MSH3: variants seen among roughly 807,000 people sequenced by gnomAD.
The protein encoded by MSH3 is mutS homolog 3, also known as DNA mismatch repair protein Msh3.
A neutral mutation model predicts 123.3 loss-of-function variants in MSH3; 106 were observed. The ratio of observed to expected loss-of-function variants is 0.86; its 90% CI spans 0.73 to 1.01. MSH3 has a LOEUF of 1.01. Ranked by LOEUF, MSH3 falls within the 50% of genes least tolerant of loss-of-function variation. MSH3 has a pLI of 0.00. For synonymous variants in MSH3, 515 were observed against 481.4 expected (o/e 1.07, Z -0.91); for missense variants, 1,459 against 1,347.6 (o/e 1.08, Z -1.29).
intron 8 of MSH3, among the ~76,000 whole-genome samples, chr5:80,705,622 G>T (rs1277863009): frequency 6.6e-6 from 1 of 152,208 alleles, no homozygotes; most frequent in East Asian, 1.9e-4. Context: ...TTAAGCAACA[G>T]AAATTCATTA....
chr5:80,690,669 G>GT (rs1561443763), intron 8 of MSH3, among the ~76,000 whole-genome samples: 8 of 152,032 alleles, frequency 5.3e-5, no homozygotes, highest in African/African-American at 1.7e-4. Context: ...AACTTTAACC[G>GT]TTAAGTGCTC....
chr5:80,658,507 T>C (rs1187775490), intron 2 of MSH3, among the ~76,000 whole-genome samples: 1 of 152,214 alleles, frequency 6.6e-6, no homozygotes, highest in African/African-American at 2.4e-5. Flanking sequence ...TATTTTAAAA[T>C]AGGACCTTTG....
chr5:80,754,878 T>C (rs1743897130), intron 12 of MSH3, among the ~76,000 whole-genome samples: 1 of 152,200 alleles, frequency 6.6e-6, no homozygotes, highest in Admixed American at 6.5e-5. Context: ...TAATAGAATG[T>C]TGCATATTTC....
chr5:80,666,643 A>G (rs1384665253), intron 3 of MSH3, among the ~76,000 whole-genome samples: 1 of 152,244 alleles, frequency 6.6e-6, no homozygotes, highest in Non-Finnish European at 1.5e-5. Context: ...CTTTATACAT[A>G]GAATGACCAA....
At position 80,654,879 on chromosome 5, in the gene MSH3, C is replaced by CTGCAGCGGA. The variant is rs2112797585; in HGVS notation, c.160_161insATGCAGCGG (p.Ala53_Ala54insAspAlaAla). The stretch of plus-strand genomic sequence containing the variant: ...GCAGCCGACCAGGTGGACCCTGGCG[C>CTGCAGCGGA]TGCAGCGGCTGCAGCGGCCGCAGCG... On this transcript the variant is annotated inframe_insertion, in exon 1 of 24. Transcript: ENST00000265081. 1 of 1,524,552 alleles carries CTGCAGCGGA rather than the reference C, an allele frequency of 6.6e-7. No individual in the cohort carries two copies. Among genetic ancestry groups the CTGCAGCGGA allele is most frequent in the East Asian group, 2.4e-5 (1 of 41,400 alleles). 94.4% of individuals were successfully genotyped at this position (1,524,552 alleles called of 1,614,324 possible).
intron 8 of MSH3, among the ~76,000 whole-genome samples, chr5:80,710,368 A>G (rs1750835260): frequency 6.6e-6 from 1 of 152,104 alleles, no homozygotes; most frequent in Non-Finnish European, 1.5e-5. Flanking sequence ...CTTCACCTTT[A>G]CTTTTGACTG....
In MSH3 at chr5:80,795,525, G is replaced by C. The variant is rs543866167; in HGVS notation, c.2655+2681G>C. On this transcript the variant is annotated intron_variant, in intron 19 of 23. Coordinates refer to ENST00000265081, the MANE Select transcript of MSH3 (RefSeq NM_002439.5). Reference sequence around the variant, plus strand: ...GTATTCACACAGTGGAAGGGATAAGGGGTCTCTCTCAGGCCCTCATGAACT... The same window carrying C: ...GTATTCACACAGTGGAAGGGATAAGCGGTCTCTCTCAGGCCCTCATGAACT... Among the ~76,000 whole-genome samples, 237 of 152,146 alleles carry C rather than the reference G, an allele frequency of 1.6e-3. 1 individual carries two copies. The highest frequency in any genetic ancestry group is 5.5e-3 in the African/African-American group (229 of 41,512).
chr5:80,855,873 C>CTTTTTTTTTTTTTTTTTT (rs5869058), intron 21 of MSH3: 5 of 107,136 alleles, frequency 4.7e-5, no homozygotes, highest in African/African-American at 7.2e-5. Flanking sequence ...TCCTCCTCCT[C>CTTTTTTTTTTTTTTTTTT]TTTTTTTTTT....
At chr5:80,835,492 T>A (rs1433001293) in intron 20 of MSH3, among the ~76,000 whole-genome samples, 1 of 152,224 alleles carries the variant, frequency 6.6e-6, no homozygotes, top group East Asian at 1.9e-4. Flanking sequence ...AATAGCATTT[T>A]TTTTTTACAT....
chr5:80,683,269 G>A (rs1399676412), intron 8 of MSH3, among the ~76,000 whole-genome samples: 1 of 151,754 alleles, frequency 6.6e-6, no homozygotes, highest in East Asian at 1.9e-4. Flanking sequence ...TTAGTTTTTT[G>A]GTAGTTTTTT....
chr5:80,837,168 A>G (rs1745530527), intron 20 of MSH3, among the ~76,000 whole-genome samples: 1 of 152,238 alleles, frequency 6.6e-6, no homozygotes, highest in Non-Finnish European at 1.5e-5. Flanking sequence ...TGATTTTAAA[A>G]TACGGAGCTA....
At chr5:80,784,435 T>C (rs1346775823) in intron 17 of MSH3, among the ~76,000 whole-genome samples, 1 of 151,818 alleles carries the variant, frequency 6.6e-6, no homozygotes, top group Non-Finnish European at 1.5e-5. Context: ...TGTGGGTATA[T>C]AGTAGGTGTA....
In MSH3 at chr5:80,781,478, C is replaced by CT. The variant is rs71659599; in HGVS notation, c.2435+2658dup. ...TGGTCCCTTTATCTGTTACCAAGTT[C>CT]TTTTTTTTTTTTTTTTCCTCGCTCT... On this transcript the variant is annotated intron_variant, in intron 17 of 23. Transcript: ENST00000265081. Among the ~76,000 whole-genome samples the CT allele has an allele frequency of 4.6e-3, 657 of 142,608 alleles. 6 individuals are homozygous for CT. The highest frequency in any genetic ancestry group is 0.016 in the African/African-American group (608 of 38,456). The allele number at this position is 142,608 out of a possible 152,430, so 93.6% of individuals were successfully genotyped here.
intron 21 of MSH3, among the ~76,000 whole-genome samples, chr5:80,859,729 T>G (rs567053261): frequency 1.6e-3 from 242 of 148,108 alleles, no homozygotes; most frequent in Non-Finnish European, 2.4e-3. Context: ...TTTTTTTTTG[T>G]TTTTTGTTTT....
At chr5:80,866,723 G>T (rs1746104482) in intron 22 of MSH3, among the ~76,000 whole-genome samples, 1 of 151,964 alleles carries the variant, frequency 6.6e-6, no homozygotes. Flanking sequence ...CACATGTATT[G>T]TATGTCATTC....
chr5:80,733,857 A>G (rs1488117529), intron 10 of MSH3, among the ~76,000 whole-genome samples: 3 of 152,174 alleles, frequency 2.0e-5, no homozygotes, highest in Admixed American at 1.3e-4. Flanking sequence ...ATCCTCATAC[A>G]TTGCCAATAG....
At chr5:80,803,841 C>T (rs1197270394) in intron 19 of MSH3, among the ~76,000 whole-genome samples, 3 of 152,004 alleles carry the variant, frequency 2.0e-5, no homozygotes, top group Non-Finnish European at 2.9e-5. Context: ...GTTCTTGGCA[C>T]CTTTGTCAAA....
At chr5:80,693,948 C>T (rs1214075567) in intron 8 of MSH3, among the ~76,000 whole-genome samples, 1 of 152,172 alleles carries the variant, frequency 6.6e-6, no homozygotes, top group East Asian at 1.9e-4. Context: ...GCATGAGCCA[C>T]CATGCCTGGC....
chr5:80,849,861 C>T (rs1272207737), intron 20 of MSH3, among the ~76,000 whole-genome samples: 2 of 152,168 alleles, frequency 1.3e-5, no homozygotes, highest in African/African-American at 4.8e-5. Context: ...AATTTCTGCA[C>T]CTGGCTTGAA....
Sources: allele counts gnomAD v4.1 joint callset (sites outside exome capture counted in the v4.1 genomes callset), GRCh38; gene constraint gnomAD v4.1.1; transcripts MANE v1.5; gene names NCBI Gene and HGNC (gene_info 2026-07-23, HGNC 2026-07-21).